AFF2: variants seen among roughly 807,000 people sequenced by gnomAD.
AFF2 encodes ALF transcription elongation factor 2.
A neutral mutation model predicts 76.9 loss-of-function variants in AFF2; 14 were observed. The ratio of observed to expected loss-of-function variants is 0.18; its 90% CI spans 0.12 to 0.28. AFF2 has a LOEUF of 0.28. Among genes scored for constraint, AFF2 ranks in the 10% least tolerant of loss-of-function variants. The pLI is 1.00. For synonymous variants in AFF2, 398 were observed against 366.7 expected (o/e 1.09, Z -0.98); for missense variants, 868 against 1,001.1 (o/e 0.87, Z 1.79).
At chrX:148,806,138 GTC>G (rs782600272) in intron 3 of AFF2, among the ~76,000 whole-genome samples, 12 of 112,884 alleles carry the variant, frequency 1.1e-4, no homozygotes, top group African/African-American at 3.9e-4. Context: ...CTCTTTCTCA[GTC>G]TCTGTCTTTC....
chrX:148,925,736 C>A (rs1049116326), intron 9 of AFF2, among the ~76,000 whole-genome samples: 2 of 111,581 alleles, frequency 1.8e-5, no homozygotes, highest in African/African-American at 3.3e-5. Context: ...TAGAATGTGC[C>A]TTATAGTGTT....
At chrX:148,984,635 T>G (rs998665648) in intron 19 of AFF2, among the ~76,000 whole-genome samples, 1 of 112,081 alleles carries the variant, frequency 8.9e-6, no homozygotes, top group African/African-American at 3.2e-5. Flanking sequence ...AAACAGACAC[T>G]TATCCTAGCT....
chrX:148,641,819 GT>G (rs2054092003), intron 1 of AFF2, among the ~76,000 whole-genome samples: 2 of 111,680 alleles, frequency 1.8e-5, no homozygotes, highest in Non-Finnish European at 3.8e-5. Flanking sequence ...TTCTCTCTGG[GT>G]TTCTGTTTTC....
At chrX:148,971,126 G>GTTTTT (rs142941450) in intron 15 of AFF2, among the ~76,000 whole-genome samples, 37 of 69,148 alleles carry the variant, frequency 5.4e-4, no homozygotes, top group African/African-American at 1.7e-3. Flanking sequence ...TAACTTCATT[G>GTTTTT]TTTTTTTTTT....
At chrX:148,655,699 T>C (rs966278262) in intron 2 of AFF2, among the ~76,000 whole-genome samples, 9 of 112,086 alleles carry the variant, frequency 8.0e-5, no homozygotes, top group African/African-American at 2.9e-4. Context: ...TGCATCCACA[T>C]TCAGGGTTCC....
At chrX:148,853,570 AG>A (rs2070755433) in intron 7 of AFF2, among the ~76,000 whole-genome samples, 1 of 112,170 alleles carries the variant, frequency 8.9e-6, no homozygotes, top group South Asian at 3.7e-4. Context: ...GTTAGAAGTG[AG>A]GAAAGTCATG....
chrX:148,683,897 A>G (rs2054574399), intron 3 of AFF2, among the ~76,000 whole-genome samples: 2 of 111,480 alleles, frequency 1.8e-5, no homozygotes, highest in African/African-American at 6.5e-5. Context: ...TTGGGGAACT[A>G]TTTAGAGCAT....
At chrX:148,592,933 C>A (rs2053537350) in intron 1 of AFF2, among the ~76,000 whole-genome samples, 2 of 112,203 alleles carry the variant, frequency 1.8e-5, no homozygotes, top group Admixed American at 9.4e-5. Flanking sequence ...TCTCTCTTTT[C>A]TTTCTTACCT....
intron 3 of AFF2, among the ~76,000 whole-genome samples, chrX:148,694,391 T>G (rs1230821358): frequency 8.9e-6 from 1 of 112,000 alleles, no homozygotes; most frequent in African/African-American, 3.3e-5. Flanking sequence ...TGATGATGCC[T>G]TATGAAGAAG....
chrX:148,616,846 A>G (rs1349677828), intron 1 of AFF2, among the ~76,000 whole-genome samples: 1 of 109,491 alleles, frequency 9.1e-6, no homozygotes, highest in Non-Finnish European at 1.9e-5. Context: ...TCCTTGCGAC[A>G]GTTTGCTGAG....
chrX:148,775,712 A>G (rs782224533), intron 3 of AFF2, among the ~76,000 whole-genome samples: 39 of 109,881 alleles, frequency 3.5e-4, no homozygotes, highest in Non-Finnish European at 6.6e-4. Context: ...CTTCACATCG[A>G]TTTCGTCTCT....
intron 1 of AFF2, among the ~76,000 whole-genome samples, chrX:148,545,033 GT>G (rs1339909824): frequency 4.5e-5 from 5 of 111,682 alleles, no homozygotes; most frequent in African/African-American, 1.6e-4. Flanking sequence ...TATTCAATTT[GT>G]TTTTTTATAA....
chrX:148,641,282 A>G (rs1163490617), intron 1 of AFF2, among the ~76,000 whole-genome samples: 1 of 111,999 alleles, frequency 8.9e-6, no homozygotes, highest in Non-Finnish European at 1.9e-5. Flanking sequence ...TCATTTGTTC[A>G]TTCATTCAGT....
At chrX:148,800,079 T>C (rs782728612) in intron 3 of AFF2, among the ~76,000 whole-genome samples, 3 of 112,144 alleles carry the variant, frequency 2.7e-5, no homozygotes, top group Non-Finnish European at 5.6e-5. Context: ...TGAATATATT[T>C]AGCTGTGTCA....
At chrX:148,557,115 G>GTAA (rs1557239796) in intron 1 of AFF2, among the ~76,000 whole-genome samples, 1 of 111,925 alleles carries the variant, frequency 8.9e-6, no homozygotes, top group Non-Finnish European at 1.9e-5. Context: ...GTAGCTGAAG[G>GTAA]TAATTCCCTC....
chrX:148,753,944 A>C (rs900229996), intron 3 of AFF2, among the ~76,000 whole-genome samples: 4 of 111,304 alleles, frequency 3.6e-5, no homozygotes, highest in Non-Finnish European at 3.8e-5. Flanking sequence ...TGTCTAGCTA[A>C]GGGGTGCAGA....
chrX:148,614,693 TTTTCTTTCTTTC>T (rs548569376), intron 1 of AFF2, among the ~76,000 whole-genome samples: 9 of 56,131 alleles, frequency 1.6e-4, no homozygotes, highest in East Asian at 1.2e-3. Context: ...TCCTTCTTTC[TTTTCTTTCTTTC>T]TTTCTTTCTT....
At position 148,994,557 on chromosome X, in the gene AFF2, T is replaced by A. The variant is rs930696265; in HGVS notation, c.*3225T>A. On this transcript the variant is annotated 3_prime_UTR_variant, in exon 21 of 21. Coordinates refer to ENST00000370460, the MANE Select transcript of AFF2 (RefSeq NM_002025.4). ...TAAGGTCGGGATGCCTTTTTTTCCA[T>A]GTAAGGAAATGAAAAGACCAAAATC... The A allele has an allele frequency of 1.8e-5, 2 of 112,055 alleles. No individual in the cohort carries two copies. The highest frequency in any genetic ancestry group is 1.9e-4 in the Admixed American group (2 of 10,599). 9.2% of individuals were successfully genotyped at this position (112,055 alleles called of 1,213,427 possible). A position where few individuals can be genotyped will look rare whatever the true frequency, so the allele number is the denominator to read the frequency against.
chrX:148,844,224 G>A (rs957742584), intron 7 of AFF2, among the ~76,000 whole-genome samples: 1 of 111,925 alleles, frequency 8.9e-6, no homozygotes, highest in Admixed American at 9.4e-5. Context: ...GACATGAAAT[G>A]TTGAGTGGAT....
Sources: allele counts gnomAD v4.1 joint callset (sites outside exome capture counted in the v4.1 genomes callset), GRCh38; gene constraint gnomAD v4.1.1; transcripts MANE v1.5; gene names NCBI Gene and HGNC (gene_info 2026-07-23, HGNC 2026-07-21).